The following AMPD1 variants were observed in gnomAD, a reference collection of about 807,000 sequenced individuals.
AMPD1 encodes the protein adenosine monophosphate deaminase 1, also known as AMP deaminase 1.
In AMPD1, 74 loss-of-function variants were observed where a neutral mutation model predicts 82.9. That is an observed-to-expected ratio of 0.89 (90% confidence interval 0.74 to 1.08). AMPD1 has a LOEUF of 1.08. Ranked by LOEUF, AMPD1 falls within the 50% of genes least tolerant of loss-of-function variation. The pLI, the probability that AMPD1 is intolerant of heterozygous loss-of-function variation, is 0.00. For missense variants in AMPD1, 881 were observed against 924.5 expected (o/e 0.95, Z 0.61); for synonymous variants, 333 against 320.5 (o/e 1.04, Z -0.42).
rs1418914341 is a variant in AMPD1 at position 114,673,689 on chromosome 1, T to C, written c.2035A>G (p.Met679Val). 6 of 1,614,038 alleles carry C rather than the reference T, an allele frequency of 3.7e-6. No individual in the cohort carries two copies. Among genetic ancestry groups the C allele is most frequent in the Non-Finnish European group, 5.1e-6 (6 of 1,180,030 alleles). Reference protein sequence around the residue: ...AQVFKLSTCDMCEVARNSVLQ... With the variant: ...AQVFKLSTCDVCEVARNSVLQ... Reference sequence around the variant, plus strand: ...ACACTGTTCCTTGCCACTTCGCACATATCACAGGTGCTCAGCTTGAAGACT... The same window carrying C: ...ACACTGTTCCTTGCCACTTCGCACACATCACAGGTGCTCAGCTTGAAGACT... Residue 679 changes from methionine (M) to valine (V), a missense_variant, in exon 15 of 16, where the codon ATG becomes GTG. Met to Val is a conservative substitution (Grantham distance 21, BLOSUM62 1). Around this residue, in one of 2 missense-constraint regions of AMPD1, gnomAD observed 98 missense variants for 138.1 expected, o/e 0.71. Coordinates refer to ENST00000520113, the MANE Select transcript of AMPD1 (RefSeq NM_000036.3).
intron 4 of AMPD1, among the ~76,000 whole-genome samples, chr1:114,685,361 A>C (rs1474378166): frequency 6.6e-6 from 1 of 152,202 alleles, no homozygotes; most frequent in Non-Finnish European, 1.5e-5. Flanking sequence ...ATAGATGCTC[A>C]ATAAGACTGA....
chr1:114,683,026 G>A (rs547688218), intron 5 of AMPD1: 6 of 287,388 alleles, frequency 2.1e-5, no homozygotes, highest in African/African-American at 1.4e-4. Flanking sequence ...AAATTTAATT[G>A]CCTAAAAATA....
In AMPD1 at chr1:114,686,794, G is replaced by A; in HGVS notation, c.332C>T (p.Thr111Ile). 6.2e-7 allele frequency: 1 copy of A among 1,614,180 alleles called. No homozygotes were observed. The highest frequency in any genetic ancestry group is 8.5e-7 in the Non-Finnish European group (1 of 1,180,024). The stretch of plus-strand genomic sequence containing the variant: ...CTGCACTCTCTGAAAATCAGGCACG[G>A]TCTGGTAGGTTGGAGATGAGGAAAT... The part of the protein sequence containing the change: ...EYISSSPTYQ[T>I]VPDFQRVQIT... Residue 111 changes from threonine to isoleucine, a missense_variant, in exon 4 of 16, where the codon ACC (threonine) becomes ATC (isoleucine). By Grantham distance (89) the Thr-to-Ile change is moderately conservative (BLOSUM62 -1). This residue lies in a region of AMPD1 where 783 missense variants were observed against 786.4 expected (regional missense o/e 1.00). Transcript: ENST00000520113.
At chr1:114,684,072 G>T in intron 5 of AMPD1, 127 bp downstream of exon 5, 1 of 1,049,984 alleles carries the variant, frequency 9.5e-7, no homozygotes, top group Non-Finnish European at 1.4e-6. Flanking sequence ...GAGGAAATGG[G>T]GCCAAAGATG....
chr1:114,678,329 C>T lies in AMPD1; in HGVS notation c.1092+4G>A, dbSNP rs1457021615. On this transcript the variant is annotated splice_donor_region_variant and intron_variant, in intron 8 of 15. Transcript: ENST00000520113. ...GTGAAACTGACATTGCCGTTTCAAC[C>T]TACAGCATGAACATCCAGAGAATCA... The T allele has an allele frequency of 1.2e-6, 2 of 1,614,040 alleles. No individual in the cohort carries two copies. Among genetic ancestry groups the T allele is most frequent in the Admixed American group, 1.7e-5 (1 of 60,032 alleles).
rs149160130 is a variant in AMPD1, at chr1:114,684,352, C to T, written c.394G>A (p.Asp132Asn). 50 of 1,613,406 alleles carry T rather than the reference C, an allele frequency of 3.1e-5. No individual in the cohort carries two copies. The highest frequency in any genetic ancestry group is 2.2e-4 in the Admixed American group (13 of 59,934). Residue 132 changes from aspartate to asparagine, a missense_variant, in exon 5 of 16, where the codon GAT becomes AAT. By Grantham distance (23) the Asp-to-Asn change is conservative. Transcript: ENST00000520113. ...AGACCTTTGCAAACAATTTCAAAAT[C>T]TTCAACTGTAACCTGCCAAAAAAAA... ...GDYASGVTVEDFEIVCKGLYR... is the reference protein window; with the variant it reads ...GDYASGVTVENFEIVCKGLYR...
rs767446393 is a variant in AMPD1, at chr1:114,673,686, A to T, written c.2038T>A (p.Cys680Ser). The change falls in exon 15 of 16, where the codon TGC (cysteine) becomes AGC (serine). Residue 680 changes from cysteine (C) to serine (S), a missense_variant. Coordinates refer to ENST00000520113, the MANE Select transcript of AMPD1 (RefSeq NM_000036.3). ...AAGACACTGTTCCTTGCCACTTCGC[A>T]CATATCACAGGTGCTCAGCTTGAAG... ...QVFKLSTCDMCEVARNSVLQC... is the reference protein window; with the variant it reads ...QVFKLSTCDMSEVARNSVLQC... The T allele has an allele frequency of 3.1e-6, 5 of 1,614,180 alleles. No individual in the cohort carries two copies. Among genetic ancestry groups the T allele is most frequent in the Non-Finnish European group, 4.2e-6 (5 of 1,180,022 alleles).
At chr1:114,676,537 T>C (rs572850067) in intron 10 of AMPD1, among the ~76,000 whole-genome samples, 28 of 152,304 alleles carry the variant, frequency 1.8e-4, no homozygotes, top group African/African-American at 6.7e-4. Flanking sequence ...TGGGGTGATA[T>C]AACTTAACCC....
Position 114,679,603 on chromosome 1 carries a change from G to A in AMPD1, c.873C>T (p.His291=). Residue 291 remains histidine, a synonymous_variant, in exon 7 of 16, where the codon CAC becomes CAT. Transcript: ENST00000520113. ...DELKELKNNP[H]RDFYNCRKVD... Reference sequence around the variant, plus strand: ...CCTTCCTGCAGTTATAAAAATCTCGGTGGGGGTTGTTTTTCAGCTCCTTTA... The same window carrying A: ...CCTTCCTGCAGTTATAAAAATCTCGATGGGGGTTGTTTTTCAGCTCCTTTA... 4 of 1,614,058 alleles carry A rather than the reference G, an allele frequency of 2.5e-6. No homozygotes were observed. Among genetic ancestry groups the A allele is most frequent in the South Asian group, 1.1e-5 (1 of 91,064 alleles).
chr1:114,694,610 G>C (rs1658623883), intron 1 of AMPD1, among the ~76,000 whole-genome samples: 1 of 152,178 alleles, frequency 6.6e-6, no homozygotes, highest in Non-Finnish European at 1.5e-5. Flanking sequence ...TTGGGAGGCT[G>C]AGGCAGGCAG....
At position 114,677,414 on chromosome 1, in the gene AMPD1, CAGG is replaced by C. The variant is rs768284146; in HGVS notation, c.1322_1324del (p.Ser441del). 6.2e-7 allele frequency: 1 copy of C among 1,611,518 alleles called. No homozygotes were observed. ...GCAGTGGATGCGATTGCAGACGAAC[CAGG>C]AGGAGAGTTTGCTCCACTCATCAGG... On this transcript the variant is annotated inframe_deletion, in exon 10 of 16. Coordinates refer to ENST00000520113, the MANE Select transcript of AMPD1 (RefSeq NM_000036.3).
intron 2 of AMPD1, among the ~76,000 whole-genome samples, chr1:114,691,461 A>G (rs532653476): frequency 4.6e-5 from 7 of 151,574 alleles, no homozygotes; most frequent in Admixed American, 2.0e-4. Flanking sequence ...CCAGCTACTC[A>G]GGAGACTGAG....
chr1:114,692,620 T>C (rs769619571), intron 2 of AMPD1, among the ~76,000 whole-genome samples: 2 of 151,866 alleles, frequency 1.3e-5, no homozygotes, highest in Admixed American at 6.6e-5. Flanking sequence ...GAGGCAGAGG[T>C]TGCAGTGAGC....
chr1:114,685,675 G>T (rs762973461), intron 4 of AMPD1, among the ~76,000 whole-genome samples: 4 of 152,004 alleles, frequency 2.6e-5, no homozygotes, highest in Non-Finnish European at 4.4e-5. Context: ...TTTTATTCTT[G>T]TTTTCATTTC....
chr1:114,690,830 A>G (rs1658495090), intron 2 of AMPD1, among the ~76,000 whole-genome samples: 1 of 152,164 alleles, frequency 6.6e-6, no homozygotes, highest in South Asian at 2.1e-4. Context: ...TGTACCATGA[A>G]GGGCAAATGG....
Position 114,683,940 on chromosome 1 carries a change from T to TA in AMPD1, c.547+258dup, listed in dbSNP as rs1369336826. Among the ~76,000 whole-genome samples the TA allele has an allele frequency of 5.3e-5, 8 of 152,224 alleles. No homozygotes were observed. In the East Asian group the frequency reaches 1.6e-3, roughly 30 times the overall value. On this transcript the variant is annotated intron_variant, in intron 5 of 15. Coordinates refer to ENST00000520113, the MANE Select transcript of AMPD1 (RefSeq NM_000036.3). The stretch of plus-strand genomic sequence containing the variant: ...GGAGACTGAAATTTTGCAGAGTAGT[T>TA]ACGAAGCTCTTGCAATAATCTGGGC...
At position 114,678,466 on chromosome 1, in the gene AMPD1, T is replaced by C. The variant is rs1377349566; in HGVS notation, c.959A>G (p.Lys320Arg). The C allele has an allele frequency of 6.2e-7, 1 of 1,614,232 alleles. No homozygotes were observed. The highest frequency in any genetic ancestry group is 8.5e-7 in the Non-Finnish European group (1 of 1,180,040). The change falls in exon 8 of 16, where the codon AAG becomes AGG. Residue 320 changes from lysine (K) to arginine (R), a missense_variant. Physicochemically the swap from Lys to Arg is conservative, Grantham distance 26. This residue lies in a region of AMPD1 where 783 missense variants were observed against 786.4 expected (regional missense o/e 1.00). Transcript: ENST00000520113. ...MNQKHLLRFIKKSYQIDADRV... is the reference protein window; with the variant it reads ...MNQKHLLRFIRKSYQIDADRV... The stretch of plus-strand genomic sequence containing the variant: ...GTCAGCATCAATTTGGTAAGATTTC[T>C]TAATAAAACGCAGCAGATGTTTCTG...
chr1:114,674,212 A>C, intron 13 of AMPD1, 130 bp from the exon 14 acceptor site: 1 of 813,726 alleles, frequency 1.2e-6, no homozygotes, highest in Non-Finnish European at 2.0e-6. Flanking sequence ...CAAGTCTCTT[A>C]GTAAGGAGAA....
At chr1:114,688,958 C>A (rs755782897) in intron 2 of AMPD1, 1 of 745,580 alleles carries the variant, frequency 1.3e-6, no homozygotes, top group Non-Finnish European at 2.5e-6. Context: ...GGGTCAGATT[C>A]TCATAGCACA....
Sources: gnomAD v4.1 joint callset for allele counts (sites outside exome capture counted in the v4.1 genomes callset) on GRCh38, gnomAD v4.1.1 for gene constraint, gnomAD v4.1.1 regional missense constraint, MANE v1.5 for transcripts, NCBI Gene and HGNC (gene_info 2026-07-23, HGNC 2026-07-21) for gene names.